The following ZNF385B variants were observed in gnomAD, a reference collection of about 807,000 sequenced individuals.
ZNF385B encodes zinc finger protein 385B, also known as zinc finger protein 533.
In ZNF385B, 23 loss-of-function variants were observed where a neutral mutation model predicts 39.2. That is an observed-to-expected ratio of 0.59 (90% confidence interval 0.42 to 0.83). The LOEUF (loss-of-function observed/expected upper bound fraction) is 0.83. Ranked by LOEUF, ZNF385B falls within the 40% of genes least tolerant of loss-of-function variation. The probability of loss-of-function intolerance (pLI) is 0.00; values close to 1 mark genes in which losing one functional copy is unlikely to be tolerated. For missense variants in ZNF385B, 552 were observed against 598.9 expected (o/e 0.92, Z 0.82); for synonymous variants, 205 against 222.6 (o/e 0.92, Z 0.70).
chr2:179,514,056 CTT>C (rs1388620447), intron 5 of ZNF385B: 2 of 152,178 alleles, frequency 1.3e-5, no homozygotes, highest in African/African-American at 2.4e-5. Flanking sequence ...TTTTTATAAA[CTT>C]AGTGGCTTAA....
intron 1 of ZNF385B, among the ~76,000 whole-genome samples, chr2:179,794,082 T>C (rs916635656): frequency 9.9e-5 from 15 of 152,224 alleles, no homozygotes; most frequent in African/African-American, 3.6e-4. Flanking sequence ...TGCCTTTCTG[T>C]GTTGCCTCCA....
chr2:179,487,367 T>A (rs1042669326), intron 5 of ZNF385B, among the ~76,000 whole-genome samples: 1 of 152,234 alleles, frequency 6.6e-6, no homozygotes, highest in African/African-American at 2.4e-5. Flanking sequence ...TGCCACTTCC[T>A]TATATTTGGC....
chr2:179,518,275 A>G (rs190036606), intron 5 of ZNF385B, among the ~76,000 whole-genome samples: 105 of 152,206 alleles, frequency 6.9e-4, no homozygotes, highest in Admixed American at 4.3e-3. Context: ...TGTTATTCTA[A>G]AAAATATTTT....
chr2:179,551,011 G>C (rs1326463499), intron 3 of ZNF385B, among the ~76,000 whole-genome samples: 1 of 152,034 alleles, frequency 6.6e-6, no homozygotes, highest in Non-Finnish European at 1.5e-5. Flanking sequence ...CCATTACGTT[G>C]CTATTCTCAT....
At chr2:179,723,259 C>A (rs1486022631) in intron 3 of ZNF385B, among the ~76,000 whole-genome samples, 1 of 152,154 alleles carries the variant, frequency 6.6e-6, no homozygotes, top group African/African-American at 2.4e-5. Context: ...ACATGCACAT[C>A]TCTTAAACCT....
At chr2:179,681,129 T>C (rs1697476864) in intron 3 of ZNF385B, among the ~76,000 whole-genome samples, 1 of 151,448 alleles carries the variant, frequency 6.6e-6, no homozygotes, top group African/African-American at 2.4e-5. Flanking sequence ...TCATTGTGAG[T>C]CTTCAAAACT....
chr2:179,469,079 G>A (rs2105510079), intron 6 of ZNF385B, among the ~76,000 whole-genome samples: 1 of 152,264 alleles, frequency 6.6e-6, no homozygotes, highest in South Asian at 2.1e-4. Flanking sequence ...AAGTCTGTTG[G>A]CCATAGGAAG....
chr2:179,463,103 G>A (rs1238243105), intron 6 of ZNF385B, among the ~76,000 whole-genome samples: 1 of 152,038 alleles, frequency 6.6e-6, no homozygotes, highest in African/African-American at 2.4e-5. Context: ...TATATAAAAT[G>A]ATTATATATA....
At chr2:179,491,923 ACTC>A (rs1482056744) in intron 5 of ZNF385B, among the ~76,000 whole-genome samples, 1 of 150,980 alleles carries the variant, frequency 6.6e-6, no homozygotes, top group East Asian at 1.9e-4. Flanking sequence ...CTGGCCTTAA[ACTC>A]CTGGTCTCGA....
chr2:179,648,138 C>T (rs548154037), intron 3 of ZNF385B, among the ~76,000 whole-genome samples: 1 of 151,928 alleles, frequency 6.6e-6, no homozygotes, highest in South Asian at 2.1e-4. Flanking sequence ...CTCAGCTTGC[C>T]ATGGGGTATT....
chr2:179,488,820 A>G (rs184256611), intron 5 of ZNF385B, among the ~76,000 whole-genome samples: 1 of 152,306 alleles, frequency 6.6e-6, no homozygotes, highest in Non-Finnish European at 1.5e-5. Context: ...ACATATGTCA[A>G]ATGAGCGACC....
intron 5 of ZNF385B, among the ~76,000 whole-genome samples, chr2:179,510,907 G>A (rs996323936): frequency 1.3e-5 from 2 of 152,136 alleles, no homozygotes; most frequent in African/African-American, 4.8e-5. Context: ...CAAGCACCAG[G>A]CAGTCAATAG....
chr2:179,618,879 C>T, intron 3 of ZNF385B, among the ~76,000 whole-genome samples: 1 of 152,180 alleles, frequency 6.6e-6, no homozygotes, highest in East Asian at 1.9e-4. Context: ...TTCTCTTCTA[C>T]TTACAATAGA....
intron 3 of ZNF385B, among the ~76,000 whole-genome samples, chr2:179,566,183 GATT>G (rs2105979301): frequency 6.6e-6 from 1 of 152,286 alleles, no homozygotes; most frequent in East Asian, 1.9e-4. Context: ...AGAGTACATG[GATT>G]ATGAGAATTA....
At chr2:179,592,834 T>A (rs1687682535) in intron 3 of ZNF385B, among the ~76,000 whole-genome samples, 1 of 152,146 alleles carries the variant, frequency 6.6e-6, no homozygotes, top group Admixed American at 6.5e-5. Context: ...TTTCTCTGTG[T>A]CTTTTTTGTT....
intron 9 of ZNF385B, among the ~76,000 whole-genome samples, chr2:179,444,606 C>G (rs368238531): frequency 1.5e-4 from 23 of 152,256 alleles, no homozygotes; most frequent in South Asian, 1.2e-3. Context: ...TGTTCTTGAG[C>G]CTTTACTTTA....
At chr2:179,703,267 T>C (rs1300998010) in intron 3 of ZNF385B, among the ~76,000 whole-genome samples, 1 of 152,170 alleles carries the variant, frequency 6.6e-6, no homozygotes, top group Non-Finnish European at 1.5e-5. Context: ...CCTTAGCACC[T>C]AAACTCTTTT....
intron 4 of ZNF385B, among the ~76,000 whole-genome samples, chr2:179,532,540 C>T (rs920031673): frequency 4.6e-5 from 7 of 152,214 alleles, no homozygotes; most frequent in African/African-American, 1.7e-4. Context: ...AATCTATTCA[C>T]TCCTTATAAA....
At chr2:179,686,368 G>C (rs147473251) in intron 3 of ZNF385B, among the ~76,000 whole-genome samples, 273 of 152,286 alleles carry the variant, frequency 1.8e-3, no homozygotes, top group Middle Eastern at 0.01. Flanking sequence ...TATTCTAAGT[G>C]CTTGCCACAG....
Sources: gnomAD v4.1 joint callset for allele counts (sites outside exome capture counted in the v4.1 genomes callset) on GRCh38, gnomAD v4.1.1 for gene constraint, MANE v1.5 for transcripts, NCBI Gene and HGNC (gene_info 2026-07-23, HGNC 2026-07-21) for gene names.